SLC1A3: variants seen among roughly 807,000 people sequenced by gnomAD.
The protein encoded by SLC1A3 is solute carrier family 1 member 3, also known as excitatory amino acid transporter 1.
A neutral mutation model predicts 48.1 loss-of-function variants in SLC1A3; 21 were observed. The ratio of observed to expected loss-of-function variants is 0.44; its 90% confidence interval spans 0.31 to 0.63. SLC1A3 has a LOEUF of 0.63. Among genes scored for constraint, SLC1A3 ranks in the 20% least tolerant of loss-of-function variants. The pLI, the probability that SLC1A3 is intolerant of heterozygous loss-of-function variation, is 0.08. For synonymous variants in SLC1A3, 239 were observed against 251.4 expected (o/e 0.95, Z 0.47); for missense variants, 546 against 689.0 (o/e 0.79, Z 2.32).
intron 3 of SLC1A3, among the ~76,000 whole-genome samples, chr5:36,660,267 C>G (rs185500004): frequency 1.3e-5 from 2 of 152,132 alleles, no homozygotes; most frequent in Non-Finnish European, 2.9e-5. Flanking sequence ...TTTCTCTATA[C>G]GCCTTCCTAG....
chr5:36,676,392 CA>C (rs1394914576), intron 5 of SLC1A3, among the ~76,000 whole-genome samples: 2 of 152,194 alleles, frequency 1.3e-5, no homozygotes, highest in East Asian at 3.8e-4. Flanking sequence ...AGAACCAGCA[CA>C]ACTGTTCTTG....
intron 3 of SLC1A3, among the ~76,000 whole-genome samples, chr5:36,644,015 A>C (rs939554170): frequency 1.8e-4 from 3 of 16,618 alleles, no homozygotes; most frequent in Non-Finnish European, 5.4e-4. Flanking sequence ...CCGTCTCAAA[A>C]AATAAATAAA....
intron 3 of SLC1A3, among the ~76,000 whole-genome samples, chr5:36,630,742 T>C (rs941346548): frequency 6.6e-6 from 1 of 152,232 alleles, no homozygotes; most frequent in Non-Finnish European, 1.5e-5. Context: ...ACAGGAACTA[T>C]GTCAGATTTT....
At chr5:36,603,628 A>G (rs1362057884), upstream of SLC1A3, among the ~76,000 whole-genome samples, 1 of 152,152 alleles carries the variant, frequency 6.6e-6, no homozygotes, top group Non-Finnish European at 1.5e-5. Context: ...TTACATTCAT[A>G]TTTAAGAAGA....
At position 36,608,564 on chromosome 5, in the gene SLC1A3, G is replaced by C. The variant is rs752561325; in HGVS notation, c.141G>C (p.Arg47=). The part of the protein sequence containing the change: ...TKEDVKSYLF[R]NAFVLLTVTA... ...AGGATGTTAAAAGTTACCTGTTTCG[G>C]AATGCTTTTGTGCTGCTCACAGTCA... The change falls in exon 2 of 10, where the codon CGG becomes CGC. Residue 47 remains arginine (R), a synonymous_variant. Transcript: ENST00000265113. 3.1e-6 allele frequency: 5 copies of C among 1,614,056 alleles called. No individual in the cohort carries two copies. The South Asian group carries it at 5.5e-5, about 18-fold the overall frequency.
Position 36,686,608 on chromosome 5 carries a change from G to T in SLC1A3, c.*339G>T. The T allele has an allele frequency of 3.9e-6, 1 of 254,228 alleles. No individual in the cohort carries two copies. Among genetic ancestry groups the T allele is most frequent in the Non-Finnish European group, 7.6e-6 (1 of 130,878 alleles). 15.7% of individuals were successfully genotyped at this position (254,228 alleles called of 1,614,324 possible). A position where few individuals can be genotyped will look rare whatever the true frequency, so the allele number is the denominator to read the frequency against. On this transcript the variant is annotated 3_prime_UTR_variant, in exon 10 of 10. Coordinates refer to ENST00000265113, the MANE Select transcript of SLC1A3 (RefSeq NM_004172.5). The stretch of plus-strand genomic sequence containing the variant: ...ATATAAGTTAAAGAGACAAATAGTA[G>T]GCTAAAAACATTTTAAAATCAACTT...
intron 3 of SLC1A3, among the ~76,000 whole-genome samples, chr5:36,647,516 C>A (rs1245181558): frequency 3.9e-5 from 6 of 152,152 alleles, no homozygotes; most frequent in Admixed American, 1.3e-4. Flanking sequence ...TCAAAATGAT[C>A]CCAAACATTG....
chr5:36,687,879 C>T lies in SLC1A3; in HGVS notation c.*1610C>T, dbSNP rs562852968. 13 of 152,664 alleles carry T rather than the reference C, an allele frequency of 8.5e-5. No homozygotes were observed. Among genetic ancestry groups the T allele is most frequent in the Admixed American group, 8.5e-4 (13 of 15,292 alleles). The allele number at this position is 152,664 out of a possible 1,614,324, so 9.5% of individuals were successfully genotyped here. On this transcript the variant is annotated 3_prime_UTR_variant, in exon 10 of 10. Transcript: ENST00000265113. Reference sequence around the variant, plus strand: ...AAGACGCTGAGTGGGAGCTGTCAGGCAGTAGCAGCTGTGTTTGAGTTTCTG... The same window carrying T: ...AAGACGCTGAGTGGGAGCTGTCAGGTAGTAGCAGCTGTGTTTGAGTTTCTG...
intron 3 of SLC1A3, chr5:36,636,045 T>TTGTGTGTGAGTGTGTGTGTGTG (rs1740332251): frequency 7.3e-6 from 1 of 137,724 alleles, no homozygotes; most frequent in African/African-American, 2.8e-5. Flanking sequence ...AATTAAATGT[T>TTGTGTGTGAGTGTGTGTGTGTG]TGTGTGTGTG....
At chr5:36,598,715 G>C (rs142289869) in intron 1 of SLC1A3, among the ~76,000 whole-genome samples, 1 of 152,092 alleles carries the variant, frequency 6.6e-6, no homozygotes, top group Admixed American at 6.6e-5. Flanking sequence ...TTGACCTCCC[G>C]GGCTCAAGTG....
At chr5:36,677,256 G>C in intron 6 of SLC1A3, 72 bp downstream of exon 6, 1 of 1,393,512 alleles carries the variant, frequency 7.2e-7, no homozygotes, top group Non-Finnish European at 1.0e-6. Context: ...TCTGTACTGA[G>C]GAAGGTGCCA....
chr5:36,645,319 CTTTTTTTTTTTT>C (rs68027582), intron 3 of SLC1A3, among the ~76,000 whole-genome samples: 65 of 84,298 alleles, frequency 7.7e-4, no homozygotes, highest in Non-Finnish European at 1.3e-3. Flanking sequence ...CTTCCGCTGC[CTTTTTTTTTTTT>C]TTTTTTTTTT....
intron 1 of SLC1A3, among the ~76,000 whole-genome samples, chr5:36,600,184 A>T (rs775660350): frequency 2.6e-5 from 4 of 152,056 alleles, no homozygotes; most frequent in Non-Finnish European, 5.9e-5. Flanking sequence ...GGGGTTAGGG[A>T]AGAGAGAGGA....
intron 3 of SLC1A3, among the ~76,000 whole-genome samples, chr5:36,658,944 G>T (rs1741395049): frequency 6.6e-6 from 1 of 151,894 alleles, no homozygotes; most frequent in African/African-American, 2.4e-5. Flanking sequence ...CCAGGGCTGT[G>T]ACAGTAGCCA....
At chr5:36,601,068 A>G (rs1738802690) in intron 1 of SLC1A3, among the ~76,000 whole-genome samples, 2 of 152,262 alleles carry the variant, frequency 1.3e-5, no homozygotes, top group African/African-American at 2.4e-5. Flanking sequence ...TCCAAATGCG[A>G]AATAGTTGCT....
At chr5:36,684,271 C>T (rs1172042054) in intron 9 of SLC1A3, among the ~76,000 whole-genome samples, 1 of 152,260 alleles carries the variant, frequency 6.6e-6, no homozygotes, top group East Asian at 1.9e-4. Flanking sequence ...GGGAAACCCG[C>T]TGTCTGCAAA....
chr5:36,628,772 C>T (rs1383479410), intron 2 of SLC1A3, among the ~76,000 whole-genome samples: 1 of 152,176 alleles, frequency 6.6e-6, no homozygotes, highest in Non-Finnish European at 1.5e-5. Context: ...ATTGCGTTCT[C>T]TTTCCCCTAT....
intron 3 of SLC1A3, among the ~76,000 whole-genome samples, chr5:36,649,116 G>T (rs1187163440): frequency 6.6e-6 from 1 of 152,086 alleles, no homozygotes; most frequent in East Asian, 1.9e-4. Context: ...GGCCAAGGTG[G>T]GTGGATCACC....
intron 2 of SLC1A3, among the ~76,000 whole-genome samples, chr5:36,624,317 A>G (rs575628264): frequency 7.2e-5 from 11 of 152,368 alleles, no homozygotes; most frequent in Admixed American, 2.0e-4. Context: ...AGACTCCTTC[A>G]GTCAGTACCA....
Sources: allele counts gnomAD v4.1 joint callset (sites outside exome capture counted in the v4.1 genomes callset), GRCh38; gene constraint gnomAD v4.1.1; transcripts MANE v1.5; gene names NCBI Gene and HGNC (gene_info 2026-07-23, HGNC 2026-07-21).